The following FBRSL1 variants were observed in gnomAD, a reference collection of about 807,000 sequenced individuals.
The protein encoded by FBRSL1 is fibrosin-1-like protein.
A neutral mutation model predicts 89.6 loss-of-function variants in FBRSL1; 51 were observed. The ratio of observed to expected loss-of-function variants is 0.57; its 90% CI spans 0.45 to 0.72. FBRSL1 has a LOEUF of 0.72. Among genes scored for constraint, FBRSL1 ranks in the 30% least tolerant of loss-of-function variants. The pLI is 0.00. For missense variants in FBRSL1, 1,618 were observed against 1,451.8 expected (o/e 1.11, Z -1.86); for synonymous variants, 779 against 681.1 (o/e 1.14, Z -2.24).
At chr12:132,576,701 C>A in intron 14 of FBRSL1, 98 bp from the exon 15 acceptor site, 1 of 1,368,650 alleles carries the variant, frequency 7.3e-7, no homozygotes, top group Non-Finnish European at 9.8e-7. Context: ...CCTTACTGGA[C>A]TGGCTCACAC....
At chr12:132,531,886 A>C (rs1272569110) in intron 4 of FBRSL1, among the ~76,000 whole-genome samples, 2 of 152,222 alleles carry the variant, frequency 1.3e-5, no homozygotes, top group African/African-American at 4.8e-5. Context: ...GGTGGCCAGC[A>C]AAGCCCCAGC....
At chr12:132,511,834 T>TTC in intron 2 of FBRSL1, 84 of 898,296 alleles carry the variant, frequency 9.4e-5, no homozygotes, top group Non-Finnish European at 1.1e-4. Flanking sequence ...GCCCCCTCGC[T>TTC]CCCCACCCAC....
intron 1 of FBRSL1, among the ~76,000 whole-genome samples, chr12:132,504,975 C>CA (rs1417846556): frequency 6.6e-6 from 1 of 152,096 alleles, no homozygotes; most frequent in Non-Finnish European, 1.5e-5. Flanking sequence ...AGTAAAAACA[C>CA]AAAAAAATTA....
chr12:132,582,818 G>A (rs566808000), intron 18 of FBRSL1, among the ~76,000 whole-genome samples, 153 bp from the exon 19 acceptor site: 2 of 152,200 alleles, frequency 1.3e-5, no homozygotes, highest in African/African-American at 4.8e-5. Flanking sequence ...CGTAGGTTTT[G>A]GGAGCCTGTG....
intron 14 of FBRSL1, among the ~76,000 whole-genome samples, chr12:132,575,508 T>A (rs959419714): frequency 6.6e-6 from 1 of 152,242 alleles, no homozygotes; most frequent in African/African-American, 2.4e-5. Context: ...ATTACAGGCG[T>A]GAGCCACTGT....
chr12:132,562,303 C>T (rs547617815), intron 5 of FBRSL1, among the ~76,000 whole-genome samples: 282 of 152,204 alleles, frequency 1.9e-3, no homozygotes, highest in Non-Finnish European at 2.2e-3. Context: ...TTCTTTGTAA[C>T]AAGCCAGGAT....
At chr12:132,578,722 GCC>G (rs57481412) in intron 15 of FBRSL1, among the ~76,000 whole-genome samples, 5 of 151,544 alleles carry the variant, frequency 3.3e-5, no homozygotes, top group African/African-American at 1.2e-4. Flanking sequence ...CCCCGCTGCA[GCC>G]CCCCCTCACT....
chr12:132,576,213 G>T (rs555782019), intron 14 of FBRSL1, among the ~76,000 whole-genome samples: 2 of 125,338 alleles, frequency 1.6e-5, no homozygotes, highest in Admixed American at 1.5e-4. Flanking sequence ...TTTTTCTTGA[G>T]ATAGAGTCTC....
chr12:132,583,175 G>A lies in FBRSL1; in HGVS notation c.2406G>A (p.Pro802=). 1 of 1,455,328 alleles carries A rather than the reference G, an allele frequency of 6.9e-7. No individual in the cohort carries two copies. Among genetic ancestry groups the A allele is most frequent in the Non-Finnish European group, 9.0e-7 (1 of 1,107,680 alleles). 90.2% of individuals were successfully genotyped at this position (1,455,328 alleles called of 1,614,324 possible). ...EAAKMPARAS[P]PHSKAAPGDV... The stretch of plus-strand genomic sequence containing the variant: ...CCAAGATGCCCGCGCGCGCATCCCC[G>A]CCCCACAGCAAGGCGGCCCCTGGAG... The change falls in exon 19 of 19, where the codon CCG becomes CCA. Residue 802 remains proline (P), a synonymous_variant. Coordinates refer to ENST00000680143, the MANE Select transcript of FBRSL1 (RefSeq NM_001367871.1).
chr12:132,583,429 A>T lies in FBRSL1; in HGVS notation c.2660A>T (p.Asp887Val). Residue 887 changes from aspartate (D) to valine (V), a missense_variant, in exon 19 of 19, where the codon GAC (aspartate) becomes GTC (valine). By Grantham distance (152) the Asp-to-Val change is radical. Transcript: ENST00000680143. ...GAGCCCCCGGAGCGCCCCTACCGCG[A>T]CCGCGAGCCCCACGGCTACAGCCCC... ...LLEPPERPYR[D>V]REPHGYSPER... is the part of the protein sequence containing the mutation. 5.6e-6 allele frequency: 6 copies of T among 1,070,836 alleles called. No individual in the cohort carries two copies. Among genetic ancestry groups the T allele is most frequent in the Non-Finnish European group, 6.8e-6 (6 of 884,678 alleles). 66.3% of individuals were successfully genotyped at this position (1,070,836 alleles called of 1,614,324 possible).
At position 132,555,926 on chromosome 12, in the gene FBRSL1, T is replaced by G. The variant is rs550065936; in HGVS notation, c.645+7894T>G. Among the ~76,000 whole-genome samples the G allele has an allele frequency of 5.3e-4, 81 of 152,160 alleles. 1 individual carries two copies. Among genetic ancestry groups the G allele is most frequent in the Non-Finnish European group, 6.8e-4 (46 of 68,016 alleles). ...GTGTACCAGCCTTCAGGGCCGGTTG[T>G]GGCCTCGGGGTTCCAGGAGGCGCTG... On this transcript the variant is annotated intron_variant, in intron 5 of 18. Transcript: ENST00000680143.
At chr12:132,569,076 T>C (rs947516212) in intron 6 of FBRSL1, among the ~76,000 whole-genome samples, 1 of 152,154 alleles carries the variant, frequency 6.6e-6, no homozygotes. Context: ...CCTGCGAAAC[T>C]GGCCCCCTGA....
chr12:132,508,264 C>A lies in FBRSL1; in HGVS notation c.403C>A (p.Arg135=), dbSNP rs370487049. The change falls in exon 2 of 19, where the codon CGG becomes AGG. Residue 135 remains arginine, a synonymous_variant. Transcript: ENST00000680143. ...CPPAEPSENR[R]PLEAGSPGQD... ...CCCTGCGGAGCCCAGTGAGAACAGG[C>A]GGCCCCTGGAGGCAGGCAGCCCCGG... The A allele has an allele frequency of 1.3e-6, 2 of 1,550,524 alleles. No homozygotes were observed. Among genetic ancestry groups the A allele is most frequent in the African/African-American group, 1.4e-5 (1 of 73,052 alleles).
At chr12:132,526,528 G>A (rs1349592493) in intron 3 of FBRSL1, among the ~76,000 whole-genome samples, 2 of 152,198 alleles carry the variant, frequency 1.3e-5, no homozygotes, top group African/African-American at 2.4e-5. Flanking sequence ...TGGGCCCATC[G>A]GGACCCAGGG....
chr12:132,577,342 C>T (rs953066718), intron 15 of FBRSL1, among the ~76,000 whole-genome samples: 1 of 152,168 alleles, frequency 6.6e-6, no homozygotes, highest in Non-Finnish European at 1.5e-5. Context: ...CCCAGGCCCA[C>T]GCGAGGCTGC....
At chr12:132,500,657 C>T (rs927852902) in intron 1 of FBRSL1, among the ~76,000 whole-genome samples, 1 of 152,180 alleles carries the variant, frequency 6.6e-6, no homozygotes, top group Non-Finnish European at 1.5e-5. Flanking sequence ...CCTGCAGACT[C>T]CATCCAGCCC....
chr12:132,542,353 C>G (rs1252395915), intron 4 of FBRSL1, among the ~76,000 whole-genome samples: 1 of 152,252 alleles, frequency 6.6e-6, no homozygotes. Flanking sequence ...GGCCTCTCAC[C>G]CGACACTCAG....
chr12:132,508,372 C>T (rs777356424), intron 2 of FBRSL1, 22 bp downstream of exon 2: 19 of 1,475,086 alleles, frequency 1.3e-5, no homozygotes, highest in Non-Finnish European at 1.4e-5. Context: ...CCTCCCCGAC[C>T]GGAAGCTCTG....
chr12:132,564,028 G>A (rs181105206), intron 5 of FBRSL1, among the ~76,000 whole-genome samples: 74 of 151,878 alleles, frequency 4.9e-4, no homozygotes, highest in African/African-American at 1.3e-3. Flanking sequence ...CTGGGGCCGC[G>A]CTCACGGTCA....
Sources: gnomAD v4.1 joint callset for allele counts (sites outside exome capture counted in the v4.1 genomes callset) on GRCh38, gnomAD v4.1.1 for gene constraint, MANE v1.5 for transcripts, NCBI Gene and HGNC (gene_info 2026-07-23, HGNC 2026-07-21) for gene names.